Variants in XPC observed in about 807,000 individuals in gnomAD.
XPC encodes DNA repair protein complementing XP-C cells.
Under a neutral mutation model 95.8 loss-of-function variants are expected in XPC, and 76 were observed. That is an observed-to-expected ratio of 0.79 (90% confidence interval 0.66 to 0.96). The LOEUF (loss-of-function observed/expected upper bound fraction) is 0.96. Among genes scored for constraint, XPC ranks in the 40% least tolerant of loss-of-function variants. The pLI, the probability that XPC is intolerant of heterozygous loss-of-function variation, is 0.00. For synonymous variants in XPC, 442 were observed against 442.1 expected (o/e 1.00, Z 0.00); for missense variants, 1,146 against 1,179.8 (o/e 0.97, Z 0.42).
chr3:14,171,241 A>G (rs1373757821), intron 2 of XPC, among the ~76,000 whole-genome samples: 2 of 152,250 alleles, frequency 1.3e-5, no homozygotes, highest in Non-Finnish European at 2.9e-5. Context: ...GGCACTTGGT[A>G]CCAAGTGAGA....
At chr3:14,174,999 T>G (rs910439452) in intron 1 of XPC, among the ~76,000 whole-genome samples, 1 of 152,042 alleles carries the variant, frequency 6.6e-6, no homozygotes, top group African/African-American at 2.4e-5. Context: ...TGCTTGCCCA[T>G]CTACTGGGAT....
chr3:14,155,807 C>T (rs1336896243), intron 10 of XPC, among the ~76,000 whole-genome samples: 1 of 152,198 alleles, frequency 6.6e-6, no homozygotes, highest in Non-Finnish European at 1.5e-5. Flanking sequence ...ATCCGCCCGC[C>T]TCGGCCTCCC....
intron 7 of XPC, among the ~76,000 whole-genome samples, chr3:14,161,683 C>T (rs745786307): frequency 1.4e-5 from 2 of 146,822 alleles, no homozygotes; most frequent in African/African-American, 2.5e-5. Context: ...ACTGAGTCAA[C>T]GTGATAACCC....
chr3:14,146,750 A>G (rs1240028721), intron 15 of XPC, among the ~76,000 whole-genome samples: 3 of 152,254 alleles, frequency 2.0e-5, no homozygotes, highest in Admixed American at 1.3e-4. Context: ...AAAACATGCC[A>G]GAGCAGTTTC....
intron 15 of XPC, 149 bp downstream of exon 15, chr3:14,147,141 A>G (rs1039828575): frequency 1.0e-5 from 8 of 801,304 alleles, no homozygotes; most frequent in Non-Finnish European, 1.2e-5. Context: ...GGTAAAAACA[A>G]GCGGCCTTAG....
intron 9 of XPC, among the ~76,000 whole-genome samples, chr3:14,157,036 C>T (rs548690180): frequency 6.6e-6 from 1 of 152,282 alleles, no homozygotes; most frequent in African/African-American, 2.4e-5. Context: ...CTAAGGCTTG[C>T]CCTTGGCATC....
chr3:14,165,196 C>A (rs1284574513), intron 6 of XPC, among the ~76,000 whole-genome samples: 1 of 152,190 alleles, frequency 6.6e-6, no homozygotes, highest in Admixed American at 6.5e-5. Context: ...CCTTCCAGGG[C>A]ACTCCTCATG....
rs751107288 is a variant in XPC, at chr3:14,168,320, A to T, written c.473T>A (p.Leu158Gln). 1 of 1,614,002 alleles carries T rather than the reference A, an allele frequency of 6.2e-7. No homozygotes were observed. Among genetic ancestry groups the T allele is most frequent in the Admixed American group, 1.7e-5 (1 of 60,026 alleles). The change falls in exon 4 of 16, where the codon CTG becomes CAG. Residue 158 changes from leucine (L) to glutamine (Q), a missense_variant. Coordinates refer to ENST00000285021, the MANE Select transcript of XPC (RefSeq NM_004628.5). ...CTCTATCTCCACTGGCTTCACAGGC[A>T]GAAGAGATCGAGAGAAGGCTGTACT... is the stretch of plus-strand genomic sequence containing the variant. ...RESTAFSRSL[L>Q]PVKPVEIEIE... is the part of the protein sequence containing the mutation.
chr3:14,156,624 G>A, intron 9 of XPC, 129 bp from the exon 10 acceptor site: 3 of 1,269,778 alleles, frequency 2.4e-6, no homozygotes, highest in Admixed American at 4.0e-5. Context: ...AACACTAATG[G>A]TTTTGTAACA....
At chr3:14,172,718 G>T in intron 2 of XPC, 149 bp downstream of exon 2, 2 of 871,528 alleles carry the variant, frequency 2.3e-6, no homozygotes, top group African/African-American at 1.7e-5. Flanking sequence ...AAAGTTTCCA[G>T]CTCTTACCGG....
At chr3:14,168,673 A>T (rs371115152) in intron 3 of XPC, among the ~76,000 whole-genome samples, 3 of 152,284 alleles carry the variant, frequency 2.0e-5, no homozygotes, top group South Asian at 4.2e-4. Flanking sequence ...CCCTCTATCA[A>T]AAAGCTGACA....
Position 14,156,416 on chromosome 3 carries a change from C to T in XPC, c.1952G>A (p.Arg651Gln), listed in dbSNP as rs374313721. The part of the protein sequence containing the change: ...YKNHPLYALK[R>Q]HLLKYEAIYP... Reference sequence around the variant, plus strand: ...GATGGCCTCATATTTCAGGAGATGCCGCTTCAGGGCATACAGAGGGTGGTT... The same window carrying T: ...GATGGCCTCATATTTCAGGAGATGCTGCTTCAGGGCATACAGAGGGTGGTT... Residue 651 changes from arginine (R) to glutamine (Q), a missense_variant, in exon 10 of 16, where the codon CGG (arginine) becomes CAG (glutamine). By Grantham distance (43) the Arg-to-Gln change is conservative. Transcript: ENST00000285021. The T allele has an allele frequency of 1.2e-5, 19 of 1,613,914 alleles. No individual in the cohort carries two copies. Among genetic ancestry groups the T allele is most frequent in the Admixed American group, 5.0e-5 (3 of 60,008 alleles).
Position 14,152,377 on chromosome 3 carries a change from C to T in XPC, c.2073G>A (p.Leu691=). The T allele has an allele frequency of 6.2e-7, 1 of 1,613,342 alleles. No homozygotes were observed. The highest frequency in any genetic ancestry group is 1.1e-5 in the South Asian group (1 of 90,852). The change falls in exon 11 of 16, where the codon CTG becomes CTA. Residue 691 remains leucine, a synonymous_variant. Coordinates refer to ENST00000285021, the MANE Select transcript of XPC (RefSeq NM_004628.5). ...VHTLHSRDTW[L]KKARVVRLGE... ...CAAGCCTCACCACTCTTGCTTTCTT[C>T]AGCCACGTGTCCCTGGAATGCAGAG...
rs1251690856 is a variant in XPC at position 14,147,536 on chromosome 3, A to T, written c.2515-157T>A. On this transcript the variant is annotated intron_variant, in intron 14 of 15. Transcript: ENST00000285021. Reference sequence around the variant, plus strand: ...GTCTCACTTCCAAAAAATTGATCTGATTTACAAAGTGATATACTATACCTG... The same window carrying T: ...GTCTCACTTCCAAAAAATTGATCTGTTTTACAAAGTGATATACTATACCTG... 5.4e-6 allele frequency: 4 copies of T among 736,154 alleles called. No homozygotes were observed. In the Admixed American group the frequency reaches 8.5e-5, roughly 16 times the overall value. 45.6% of individuals were successfully genotyped at this position (736,154 alleles called of 1,614,324 possible).
intron 10 of XPC, chr3:14,153,268 A>G (rs569742977): frequency 6.6e-6 from 1 of 152,382 alleles, no homozygotes; most frequent in South Asian, 2.1e-4. Context: ...CACCTGGACA[A>G]GTCACTTTAC....
intron 7 of XPC, among the ~76,000 whole-genome samples, chr3:14,162,814 A>C (rs182465868): frequency 1.3e-5 from 2 of 152,344 alleles, no homozygotes; most frequent in East Asian, 3.9e-4. Flanking sequence ...GGACTTCATC[A>C]AGAAAGTAAA....
rs766223201 is a variant in XPC at position 14,148,728 on chromosome 3, G to T, written c.2254C>A (p.Pro752Thr). ...QPPVAVDGKV[P>T]RNEFGNVYLF... Reference sequence around the variant, plus strand: ...TACACATTCCCAAACTCGTTCCGGGGCACCTGTGTCGGGTGAGCAAGTCAG... The same window carrying T: ...TACACATTCCCAAACTCGTTCCGGGTCACCTGTGTCGGGTGAGCAAGTCAG... The change falls in exon 13 of 16, where the codon CCC becomes ACC. Residue 752 changes from proline to threonine, a missense_variant. By Grantham distance (38) the Pro-to-Thr change is conservative. Transcript: ENST00000285021. 1.1e-5 allele frequency: 18 copies of T among 1,614,010 alleles called. No individual in the cohort carries two copies. The highest frequency in any genetic ancestry group is 1.5e-5 in the Non-Finnish European group (18 of 1,179,872).
rs374608969 is a variant in XPC at position 14,158,210 on chromosome 3, C to T, written c.1673G>A (p.Cys558Tyr). 8.1e-6 allele frequency: 13 copies of T among 1,613,876 alleles called. No homozygotes were observed. The highest frequency in any genetic ancestry group is 1.1e-5 in the Non-Finnish European group (13 of 1,179,904). ...VHGVVGQPLTCYKYATKPMTY... is the reference protein window; with the variant it reads ...VHGVVGQPLTYYKYATKPMTY... ...CATGGGCTTGGTGGCGTACTTGTAA[C>T]AGGTCAGAGGCTGGCCCACCACACC... The change falls in exon 9 of 16, where the codon TGT becomes TAT. Residue 558 changes from cysteine to tyrosine, a missense_variant. Coordinates refer to ENST00000285021, the MANE Select transcript of XPC (RefSeq NM_004628.5). The surrounding 1 kb of genome is among the most constrained non-coding windows in gnomAD (Gnocchi z 5.2).
chr3:14,168,281 T>C lies in XPC; in HGVS notation c.512A>G (p.Glu171Gly). The change falls in exon 4 of 16, where the codon GAG (glutamate) becomes GGG (glycine). Residue 171 changes from glutamate (E) to glycine (G), a missense_variant. Glu to Gly is a moderately conservative substitution (Grantham distance 98). Coordinates refer to ENST00000285021, the MANE Select transcript of XPC (RefSeq NM_004628.5). ...KPVEIEIETP[E>G]QAKTRERSEK... The stretch of plus-strand genomic sequence containing the variant: ...CCTTCTTTCTCTTGTCTTCGCCTGC[T>C]CTGGCGTTTCAATCTCTATCTCCAC... The C allele has an allele frequency of 1.2e-6, 2 of 1,613,334 alleles. No homozygotes were observed. The highest frequency in any genetic ancestry group is 1.7e-6 in the Non-Finnish European group (2 of 1,179,696).
Sources: gnomAD v4.1 joint callset for allele counts (sites outside exome capture counted in the v4.1 genomes callset) on GRCh38, gnomAD v4.1.1 for gene constraint, Gnocchi (gnomAD v3.1) non-coding constraint, MANE v1.5 for transcripts, NCBI Gene and HGNC (gene_info 2026-07-23, HGNC 2026-07-21) for gene names.